Variants in CNBD1 observed in about 807,000 individuals in gnomAD.
The protein encoded by CNBD1 is cyclic nucleotide binding domain containing 1, also known as cyclic nucleotide-binding domain-containing protein 1.
CNBD1 carries 71 observed loss-of-function variants against 54.4 expected under a neutral mutation model. That is an observed-to-expected ratio of 1.30 (90% CI 1.08 to 1.59). The LOEUF is 1.59. CNBD1 is among the 40% of genes most tolerant of loss of function. The pLI is 0.00. For missense variants in CNBD1, 659 were observed against 518.0 expected, an observed-to-expected ratio of 1.27 and a Z score of -2.64; for synonymous variants, 182 against 170.7, an observed-to-expected ratio of 1.07 and a Z score of -0.51.
chr8:87,249,689 A>C (rs1807875226), intron 6 of CNBD1, among the ~76,000 whole-genome samples: 1 of 152,188 alleles, frequency 6.6e-6, no homozygotes, highest in African/African-American at 2.4e-5. Context: ...TTCCTAACCA[A>C]ATCAGGCTTC....
chr8:87,126,780 G>A (rs1350563793), intron 4 of CNBD1, among the ~76,000 whole-genome samples: 1 of 151,952 alleles, frequency 6.6e-6, no homozygotes, highest in African/African-American at 2.4e-5. Context: ...AGGCATTCCA[G>A]TTAGGTTTAT....
intron 4 of CNBD1, among the ~76,000 whole-genome samples, chr8:87,095,434 C>T (rs1360532274): frequency 1.3e-5 from 2 of 152,036 alleles, no homozygotes; most frequent in Admixed American, 6.5e-5. Context: ...TCTAATATTC[C>T]TTCACTCTGA....
intron 4 of CNBD1, among the ~76,000 whole-genome samples, chr8:87,048,679 C>G (rs1447735360): frequency 6.6e-6 from 1 of 152,092 alleles, no homozygotes; most frequent in East Asian, 1.9e-4. Context: ...GGAAATGCCT[C>G]CACCCAGTTA....
chr8:87,029,397 G>T (rs1809729604), intron 4 of CNBD1, among the ~76,000 whole-genome samples: 1 of 152,158 alleles, frequency 6.6e-6, no homozygotes, highest in Admixed American at 6.5e-5. Context: ...TTTAAATACT[G>T]AATATAGAGT....
intron 6 of CNBD1, among the ~76,000 whole-genome samples, chr8:87,267,435 GATATGA>G (rs1227838572): frequency 3.3e-5 from 5 of 152,256 alleles, no homozygotes; most frequent in East Asian, 3.9e-4. Flanking sequence ...TCCTACTGCT[GATATGA>G]ATATAAGAAT....
intron 4 of CNBD1, among the ~76,000 whole-genome samples, chr8:87,102,825 AGGAT>A (rs1431412656): frequency 2.0e-5 from 3 of 152,074 alleles, no homozygotes; most frequent in Non-Finnish European, 4.4e-5. Context: ...TGTATTAGCC[AGGAT>A]GGTCTCAATC....
intron 4 of CNBD1, among the ~76,000 whole-genome samples, chr8:87,096,939 T>A (rs1284448314): frequency 6.6e-6 from 1 of 152,158 alleles, no homozygotes; most frequent in South Asian, 2.1e-4. Context: ...GGATAAAGTG[T>A]TAATCAAAGC....
At chr8:87,381,880 A>G (rs1050657421) in intron 10 of CNBD1, among the ~76,000 whole-genome samples, 1 of 151,992 alleles carries the variant, frequency 6.6e-6, no homozygotes, top group Non-Finnish European at 1.5e-5. Context: ...CCATGGGCAT[A>G]AAGTTTCAGT....
At chr8:86,912,211 ATTAACT>A (rs1359507119) in intron 3 of CNBD1, among the ~76,000 whole-genome samples, 2 of 152,178 alleles carry the variant, frequency 1.3e-5, no homozygotes, top group African/African-American at 2.4e-5. Flanking sequence ...AAAAATTCAG[ATTAACT>A]TTAACAATGT....
chr8:87,428,540 A>G lies in CNBD1; in HGVS notation c.214-6A>G, dbSNP rs941196768. On this transcript the variant is annotated splice_polypyrimidine_tract_variant and splice_region_variant and intron_variant, in intron 2 of 7. Transcript: ENST00000521593. ...ATTCTAAGTGTTTTCTTCTGTTTTC[A>G]TCTAGAATTAGACCCAGTGACCAAG... 9 of 443,534 alleles carry G rather than the reference A, an allele frequency of 2.0e-5. 1 individual carries two copies. The highest frequency in any genetic ancestry group is 4.1e-5 in the Non-Finnish European group (9 of 221,896). 27.5% of individuals were successfully genotyped at this position (443,534 alleles called of 1,614,324 possible).
intron 4 of CNBD1, among the ~76,000 whole-genome samples, chr8:87,150,978 G>T (rs1812591702): frequency 6.6e-6 from 1 of 152,102 alleles, no homozygotes; most frequent in Non-Finnish European, 1.5e-5. Context: ...AGAAGGTCGG[G>T]GCCTATCTTC....
chr8:87,173,008 T>G (rs563520507), intron 4 of CNBD1, among the ~76,000 whole-genome samples: 1 of 152,250 alleles, frequency 6.6e-6, no homozygotes, highest in Non-Finnish European at 1.5e-5. Context: ...TATGATTTAA[T>G]TTTTTGCCTT....
intron 4 of CNBD1, among the ~76,000 whole-genome samples, chr8:87,131,556 T>G (rs1361211026): frequency 6.6e-6 from 1 of 152,112 alleles, no homozygotes; most frequent in African/African-American, 2.4e-5. Flanking sequence ...CATTTAAAGC[T>G]ATTTCCTTAT....
At chr8:87,057,058 A>G (rs981886238) in intron 4 of CNBD1, among the ~76,000 whole-genome samples, 1 of 152,174 alleles carries the variant, frequency 6.6e-6, no homozygotes, top group Non-Finnish European at 1.5e-5. Context: ...ATAAGACTTA[A>G]TCTTACCTGA....
At chr8:86,941,410 T>G (rs1428318691) in intron 4 of CNBD1, among the ~76,000 whole-genome samples, 1 of 152,242 alleles carries the variant, frequency 6.6e-6, no homozygotes, top group Non-Finnish European at 1.5e-5. Flanking sequence ...ACTCTAATGT[T>G]GATTAATATT....
chr8:87,316,764 G>A lies in CNBD1; in HGVS notation c.1042+30093G>A, dbSNP rs190377654. On this transcript the variant is annotated intron_variant, in intron 8 of 10. Coordinates refer to ENST00000518476, the MANE Select transcript of CNBD1 (RefSeq NM_173538.3). ...CGTATAAGGATTTCCAATACATACT[G>A]AAAAATCAAAAAGTGCCAGAATGTG... Among the ~76,000 whole-genome samples the A allele has an allele frequency of 5.8e-3, 875 of 151,842 alleles. 18 individuals are homozygous for A. Among genetic ancestry groups the A allele is most frequent in the African/African-American group, 0.02 (839 of 41,504 alleles).
At chr8:87,389,265 A>T (rs2130967412) in intron 2 of CNBD1, among the ~76,000 whole-genome samples, 1 of 152,290 alleles carries the variant, frequency 6.6e-6, no homozygotes, top group East Asian at 1.9e-4. Context: ...ATCAGGCAGG[A>T]GAAGGAAATA....
chr8:87,219,214 G>A (rs1438450860), intron 5 of CNBD1, among the ~76,000 whole-genome samples: 6 of 151,764 alleles, frequency 4.0e-5, no homozygotes, highest in South Asian at 2.1e-4. Context: ...TCATTACTTC[G>A]ACTATAAAAA....
At chr8:87,335,231 A>G (rs1314883563) in intron 8 of CNBD1, among the ~76,000 whole-genome samples, 1 of 152,184 alleles carries the variant, frequency 6.6e-6, no homozygotes, top group Admixed American at 6.5e-5. Context: ...CACTTGATAC[A>G]GAGCTGAGTT....
Sources: allele counts gnomAD v4.1 joint callset (sites outside exome capture counted in the v4.1 genomes callset), GRCh38; gene constraint gnomAD v4.1.1; transcripts MANE v1.5; gene names NCBI Gene and HGNC (gene_info 2026-07-23, HGNC 2026-07-21).